TUSC3: variants seen among roughly 807,000 people sequenced by gnomAD.
TUSC3 encodes tumor suppressor candidate 3.
A neutral mutation model predicts 44.8 loss-of-function variants in TUSC3; 45 were observed. The ratio of observed to expected loss-of-function variants is 1.00; its 90% CI spans 0.79 to 1.29. TUSC3 has a LOEUF of 1.29. Ranked by LOEUF, TUSC3 falls within the 50% of genes most tolerant of loss-of-function variation. The probability of loss-of-function intolerance (pLI) is 0.00; values close to 1 mark genes in which losing one functional copy is unlikely to be tolerated. For missense variants in TUSC3, 519 were observed against 437.9 expected (o/e 1.19, Z -1.65); for synonymous variants, 212 against 152.9 (o/e 1.39, Z -2.85).
the TUSC3 span, among the ~76,000 whole-genome samples, chr8:15,774,912 T>C: frequency 6.6e-6 from 1 of 152,060 alleles, no homozygotes; most frequent in Non-Finnish European, 1.5e-5. Context: ...GGAAACAAAT[T>C]AGTAGTTCTT....
At chr8:15,686,394 G>C (rs1451529428) in intron 6 of TUSC3, among the ~76,000 whole-genome samples, 2 of 152,110 alleles carry the variant, frequency 1.3e-5, no homozygotes, top group South Asian at 2.1e-4. Context: ...TTACAATTCA[G>C]TTGTGAGTAA....
At chr8:15,807,353 A>G in the TUSC3 span, 1 of 350,400 alleles carries the variant, frequency 2.9e-6, no homozygotes, top group Non-Finnish European at 5.3e-6. Context: ...GTCAACAACC[A>G]CAACAACAAC....
At chr8:15,667,662 C>T (rs1400154221) in intron 5 of TUSC3, among the ~76,000 whole-genome samples, 1 of 151,640 alleles carries the variant, frequency 6.6e-6, no homozygotes, top group East Asian at 1.9e-4. Context: ...CAAATTAACT[C>T]GTGGTCTTAA....
intron 1 of TUSC3, among the ~76,000 whole-genome samples, chr8:15,428,246 C>T (rs76620039): frequency 5.4e-5 from 8 of 148,616 alleles, no homozygotes; most frequent in East Asian, 2.1e-4. Context: ...CACGATACTT[C>T]GCTGAGAATG....
chr8:15,774,606 T>A, the TUSC3 span, among the ~76,000 whole-genome samples: 1 of 152,204 alleles, frequency 6.6e-6, no homozygotes, highest in African/African-American at 2.4e-5. Context: ...ATTTCTGTTC[T>A]TTTAACCCAT....
At chr8:15,642,910 TTTA>T (rs1186666052) in intron 2 of TUSC3, among the ~76,000 whole-genome samples, 2 of 152,230 alleles carry the variant, frequency 1.3e-5, no homozygotes, top group Admixed American at 6.5e-5. Context: ...TTGCTAATTC[TTTA>T]TTATTAGTTG....
At position 15,496,067 on chromosome 8, in the gene TUSC3, A is replaced by G. The variant is rs530881175; in HGVS notation, n.189+12584A>G. 1.1e-4 allele frequency among the ~76,000 whole-genome samples: 16 copies of G among 152,282 alleles called. No homozygotes were observed. The South Asian group carries it at 3.1e-3, about 30-fold the overall frequency. On this transcript the variant is annotated intron_variant and non_coding_transcript_variant, in intron 2 of 5. Transcript: ENST00000503191. The stretch of plus-strand genomic sequence containing the variant: ...TTTTATTTTTGAGCCTAACTGTCTA[A>G]TAGACTCAACTTTGTCCTGTAGAGG...
chr8:15,757,977 T>C, intron 10 of TUSC3, 122 bp downstream of exon 10: 1 of 1,491,382 alleles, frequency 6.7e-7, no homozygotes, highest in Non-Finnish European at 8.9e-7. Flanking sequence ...AGATAACTTT[T>C]AACTGTGAGA....
At chr8:15,704,710 T>TC (rs1219921591) in intron 6 of TUSC3, among the ~76,000 whole-genome samples, 2 of 152,064 alleles carry the variant, frequency 1.3e-5, no homozygotes, top group Non-Finnish European at 2.9e-5. Context: ...ATCCTATCCC[T>TC]CTTTTTCCTT....
intron 2 of TUSC3, among the ~76,000 whole-genome samples, chr8:15,649,980 A>G (rs1272508552): frequency 3.9e-5 from 6 of 152,184 alleles, no homozygotes; most frequent in African/African-American, 7.2e-5. Context: ...ATCCTCCTAT[A>G]AATGCCATTT....
intron 1 of TUSC3, among the ~76,000 whole-genome samples, chr8:15,616,403 C>A (rs1458827895): frequency 2.0e-5 from 3 of 152,126 alleles, no homozygotes; most frequent in Non-Finnish European, 4.4e-5. Flanking sequence ...CATGGCAAAA[C>A]TCCGTTTTTA....
chr8:15,851,397 T>C, the TUSC3 span, among the ~76,000 whole-genome samples: 1 of 152,194 alleles, frequency 6.6e-6, no homozygotes, highest in African/African-American at 2.4e-5. Context: ...AACGATGCGA[T>C]GATAACAAAT....
chr8:15,570,823 A>T (rs1802843930), intron 1 of TUSC3, among the ~76,000 whole-genome samples: 1 of 152,032 alleles, frequency 6.6e-6, no homozygotes, highest in Non-Finnish European at 1.5e-5. Context: ...ATACTGAAAG[A>T]AGAGAGTGAA....
rs117552057 is a variant in TUSC3 at position 15,729,966 on chromosome 8, G to A, written c.799-700G>A. ...GTTGAGGCATTGATTTATACTCCAA[G>A]GTGTTATTTTTTTTCTCCAGTTTTT... On this transcript the variant is annotated intron_variant, in intron 6 of 10. Coordinates refer to ENST00000503731, the MANE Select transcript of TUSC3 (RefSeq NM_006765.4). Among the ~76,000 whole-genome samples, 96 of 151,830 alleles carry A rather than the reference G, an allele frequency of 6.3e-4. 1 individual carries two copies. In the East Asian group the frequency reaches 0.017, roughly 28 times the overall value.
chr8:15,606,317 T>C lies in TUSC3; in HGVS notation c.139-16763T>C, dbSNP rs151025878. 2.5e-3 allele frequency among the ~76,000 whole-genome samples: 384 copies of C among 152,200 alleles called. 1 individual carries two copies. Among genetic ancestry groups the C allele is most frequent in the African/African-American group, 8.8e-3 (367 of 41,552 alleles). On this transcript the variant is annotated intron_variant, in intron 1 of 10. Coordinates refer to ENST00000503731, the MANE Select transcript of TUSC3 (RefSeq NM_006765.4). ...ATTTCTAAATAACATTTTCTTTAGC[T>C]CACTTTATTGTAAGAATATTGCATA...
chr8:15,474,123 G>A (rs967494062), intron 1 of TUSC3, among the ~76,000 whole-genome samples: 7 of 152,144 alleles, frequency 4.6e-5, no homozygotes, highest in African/African-American at 1.4e-4. Context: ...CTACTTACAC[G>A]TCCATTTATA....
chr8:15,519,472 G>T (rs1159674803), intron 2 of TUSC3, among the ~76,000 whole-genome samples: 1 of 152,180 alleles, frequency 6.6e-6, no homozygotes, highest in Non-Finnish European at 1.5e-5. Context: ...CCAGTCCTTG[G>T]CCTATTAGGA....
Position 15,704,623 on chromosome 8 carries a change from A to G in TUSC3, c.799-26043A>G, listed in dbSNP as rs1308502751. On this transcript the variant is annotated intron_variant, in intron 6 of 10. Transcript: ENST00000503731. ...GTTCTCCACAGAACACATAAATACC[A>G]ACTAAAGGAAACTCTTTTTTTTCCT... Among the ~76,000 whole-genome samples, 7 of 116,344 alleles carry G rather than the reference A, an allele frequency of 6.0e-5. 1 individual carries two copies. The South Asian group carries it at 1.1e-3, about 18-fold the overall frequency. The allele number at this position is 116,344 out of a possible 152,430, so 76.3% of individuals were successfully genotyped here.
chr8:15,486,368 ATGAC>A (rs1328190104), intron 2 of TUSC3, among the ~76,000 whole-genome samples: 1 of 152,188 alleles, frequency 6.6e-6, no homozygotes, highest in Non-Finnish European at 1.5e-5. Context: ...ACTATGCAAA[ATGAC>A]TGCTGGTACT....
Sources: allele counts gnomAD v4.1 joint callset (sites outside exome capture counted in the v4.1 genomes callset), GRCh38; gene constraint gnomAD v4.1.1; transcripts MANE v1.5; gene names NCBI Gene and HGNC (gene_info 2026-07-23, HGNC 2026-07-21).